The following NIPSNAP3B variants were observed in gnomAD, a reference collection of about 807,000 sequenced individuals.
NIPSNAP3B encodes the protein protein NipSnap homolog 3B.
A neutral mutation model predicts 31.5 loss-of-function variants in NIPSNAP3B; 30 were observed. That is an observed-to-expected ratio of 0.95 (90% CI 0.71 to 1.29). The LOEUF is 1.29. Ranked by LOEUF, NIPSNAP3B falls within the 50% of genes most tolerant of loss-of-function variation. The pLI is 0.00. For synonymous variants in NIPSNAP3B, 106 were observed against 107.9 expected (o/e 0.98, Z 0.11); for missense variants, 269 against 300.7 (o/e 0.89, Z 0.78).
At chr9:104,764,370 C>T in intron 1 of NIPSNAP3B, 70 bp downstream of exon 1, 2 of 1,336,908 alleles carry the variant, frequency 1.5e-6, no homozygotes, top group South Asian at 1.4e-5. Flanking sequence ...ATTTCTGAAG[C>T]GTGCGAGCCA....
chr9:104,770,119 C>CA (rs1477240290), intron 3 of NIPSNAP3B, among the ~76,000 whole-genome samples: 4 of 152,130 alleles, frequency 2.6e-5, no homozygotes, highest in African/African-American at 9.7e-5. Context: ...GTTGACTTCT[C>CA]AGTGTCAAGT....
chr9:104,770,965 G>A lies in NIPSNAP3B; in HGVS notation c.547G>A (p.Val183Ile), dbSNP rs772780014. 2.5e-6 allele frequency: 4 copies of A among 1,613,950 alleles called. No individual in the cohort carries two copies. Among genetic ancestry groups the A allele is most frequent in the Non-Finnish European group, 3.4e-6 (4 of 1,179,830 alleles). Residue 183 changes from valine to isoleucine, a missense_variant, in exon 4 of 6, where the codon GTT becomes ATT. By Grantham distance (29) the Val-to-Ile change is conservative (BLOSUM62 3). Transcript: ENST00000374762. Reference sequence around the variant, plus strand: ...TTTAGGCTACACAAAAGTAGTTGGTGTTTTCCACACAGAATATGGAGAACT... The same window carrying A: ...TTTAGGCTACACAAAAGTAGTTGGTATTTTCCACACAGAATATGGAGAACT... ...VNLGYTKVVG[V>I]FHTEYGELNR...
chr9:104,771,679 C>T (rs925500408), intron 4 of NIPSNAP3B, among the ~76,000 whole-genome samples: 2 of 152,156 alleles, frequency 1.3e-5, no homozygotes, highest in African/African-American at 4.8e-5. Context: ...AATAGTGCTG[C>T]AGTGAACATT....
At chr9:104,788,627 A>T in the NIPSNAP3B span, 5 of 1,584,476 alleles carry the variant, frequency 3.2e-6, no homozygotes, top group Non-Finnish European at 4.3e-6. Context: ...TGGTTAGACA[A>T]TCTGGCCTAA....
At chr9:104,779,793 C>T (rs957708208), downstream of NIPSNAP3B, among the ~76,000 whole-genome samples, 1 of 152,088 alleles carries the variant, frequency 6.6e-6, no homozygotes. Context: ...CTTTGGGAGC[C>T]CAAGGCAGAA....
intron 2 of NIPSNAP3B, 55 bp downstream of exon 2, chr9:104,766,590 A>G: frequency 6.6e-7 from 1 of 1,509,790 alleles, no homozygotes; most frequent in Non-Finnish European, 9.2e-7. Context: ...TGTTAAATGT[A>G]ACATAAGACT....
chr9:104,766,451 C>T lies in NIPSNAP3B; in HGVS notation c.187C>T (p.Arg63Trp), dbSNP rs557871008. The T allele has an allele frequency of 8.1e-6, 13 of 1,613,740 alleles. No homozygotes were observed. Among genetic ancestry groups the T allele is most frequent in the East Asian group, 6.7e-5 (3 of 44,834 alleles). ...AAATCTTAAGAAAAACATTCATCTT[C>T]GGACCTCTTACTCTGAATTGGTTGG... ...MENLKKNIHL[R>W]TSYSELVGFW... The change falls in exon 2 of 6, where the codon CGG (arginine) becomes TGG (tryptophan). Residue 63 changes from arginine to tryptophan, a missense_variant. By Grantham distance (101) the Arg-to-Trp change is moderately radical. Coordinates refer to ENST00000374762, the MANE Select transcript of NIPSNAP3B (RefSeq NM_018376.4).
chr9:104,785,572 C>T, the NIPSNAP3B span: 22 of 1,612,584 alleles, frequency 1.4e-5, no homozygotes, highest in South Asian at 2.4e-4. Flanking sequence ...CCAAAGAAAT[C>T]CTGGACAGGC....
chr9:104,776,892 A>G lies in NIPSNAP3B; in HGVS notation c.*3819A>G, dbSNP rs552207802. ...AACATATGAGATCTGTGAGTCTGAA[A>G]AAAGAAGTACATCATTCCTTCACAT... On this transcript the variant is annotated 3_prime_UTR_variant, in exon 6 of 6. Coordinates refer to ENST00000374762, the MANE Select transcript of NIPSNAP3B (RefSeq NM_018376.4). Among the ~76,000 whole-genome samples, 12 of 152,168 alleles carry G rather than the reference A, an allele frequency of 7.9e-5. No individual in the cohort carries two copies. The highest frequency in any genetic ancestry group is 1.6e-4 in the Non-Finnish European group (11 of 68,032).
At chr9:104,786,964 T>C in the NIPSNAP3B span, 1 of 1,613,980 alleles carries the variant, frequency 6.2e-7, no homozygotes. Context: ...TCCATGCCTG[T>C]GGTGGGTTCA....
At chr9:104,766,771 C>T (rs1010213044) in intron 2 of NIPSNAP3B, among the ~76,000 whole-genome samples, 1 of 152,108 alleles carries the variant, frequency 6.6e-6, no homozygotes, top group Admixed American at 6.5e-5. Flanking sequence ...TCTCATATAT[C>T]AAACCATAAA....
chr9:104,786,388 A>G, the NIPSNAP3B span: 1 of 1,613,948 alleles, frequency 6.2e-7, no homozygotes, highest in Non-Finnish European at 8.5e-7. Context: ...ACATTCTTCC[A>G]TACTGCGGTA....
At chr9:104,780,226 A>G (rs927048681), downstream of NIPSNAP3B, among the ~76,000 whole-genome samples, 2 of 152,166 alleles carry the variant, frequency 1.3e-5, no homozygotes, top group African/African-American at 4.8e-5. Context: ...GCTGATGCTC[A>G]GGGGGCATCT....
At chr9:104,785,441 T>C in the NIPSNAP3B span, 1 of 1,613,952 alleles carries the variant, frequency 6.2e-7, no homozygotes, top group Non-Finnish European at 8.5e-7. Context: ...CTATGTGGAG[T>C]CGCTTTTTGC....
Position 104,772,902 on chromosome 9 carries a change from G to C in NIPSNAP3B, c.661G>C (p.Ala221Pro). ...HKSHEDPRVVAAVRESVNYLV... is the reference protein window; with the variant it reads ...HKSHEDPRVVPAVRESVNYLV... ...GTCCCATGAGGATCCCAGAGTTGTG[G>C]CGGCTGGTAAGCTGTTTCACTAAGC... The change falls in exon 5 of 6, where the codon GCG (alanine) becomes CCG (proline). Residue 221 changes from alanine to proline, a missense_variant. Coordinates refer to ENST00000374762, the MANE Select transcript of NIPSNAP3B (RefSeq NM_018376.4). 1.2e-6 allele frequency: 2 copies of C among 1,613,560 alleles called. No individual in the cohort carries two copies. Among genetic ancestry groups the C allele is most frequent in the African/African-American group, 1.3e-5 (1 of 75,036 alleles).
intron 4 of NIPSNAP3B, 188 bp downstream of exon 4, chr9:104,771,186 C>A (rs1378511843): frequency 1.2e-5 from 6 of 500,246 alleles, no homozygotes; most frequent in South Asian, 1.0e-4. Flanking sequence ...CTTTATGGAG[C>A]CTTTTTCAAA....
At chr9:104,784,972 C>A in the NIPSNAP3B span, among the ~76,000 whole-genome samples, 7 of 152,118 alleles carry the variant, frequency 4.6e-5, no homozygotes, top group East Asian at 1.2e-3. Flanking sequence ...TCGCCCCCCA[C>A]CCCTACATCA....
the NIPSNAP3B span, chr9:104,788,089 G>C: frequency 1.2e-6 from 2 of 1,608,720 alleles, no homozygotes; most frequent in Non-Finnish European, 1.7e-6. Flanking sequence ...CTTTGGTCTG[G>C]CTTGGGAATT....
downstream of NIPSNAP3B, among the ~76,000 whole-genome samples, chr9:104,779,330 C>G (rs1454427755): frequency 6.6e-6 from 1 of 152,156 alleles, no homozygotes; most frequent in Non-Finnish European, 1.5e-5. Flanking sequence ...ATTGTACCCC[C>G]TAGTACCTAG....
Sources: gnomAD v4.1 joint callset for allele counts (sites outside exome capture counted in the v4.1 genomes callset) on GRCh38, gnomAD v4.1.1 for gene constraint, MANE v1.5 for transcripts, NCBI Gene and HGNC (gene_info 2026-07-23, HGNC 2026-07-21) for gene names.